Variants in TSHZ3 observed in about 807,000 individuals in gnomAD.
TSHZ3 encodes teashirt homolog 3.
In TSHZ3, 10 loss-of-function variants were observed where a neutral mutation model predicts 64.5. The observed-to-expected ratio is 0.16, with a 90% CI of 0.10 to 0.26. TSHZ3 has a LOEUF of 0.26. Among genes scored for constraint, TSHZ3 ranks in the 10% least tolerant of loss-of-function variants. TSHZ3 has a pLI of 1.00. For synonymous variants in TSHZ3, 608 were observed against 593.1 expected (o/e 1.03, Z -0.36); for missense variants, 1,242 against 1,421.7 (o/e 0.87, Z 2.03).
intron 5 of TSHZ3, among the ~76,000 whole-genome samples, chr19:31,191,349 T>C (rs1259882363): frequency 1.3e-5 from 2 of 152,232 alleles, no homozygotes; most frequent in Admixed American, 1.3e-4. Flanking sequence ...TGCTAATTTC[T>C]AGTCGGAAAC....
At chr19:31,250,365 C>T (rs542478987) in intron 1 of TSHZ3, among the ~76,000 whole-genome samples, 1 of 152,308 alleles carries the variant, frequency 6.6e-6, no homozygotes, top group African/African-American at 2.4e-5. Context: ...CTCTAATCCT[C>T]ACCCGCTCAT....
At chr19:31,268,107 G>A (rs1976080055) in intron 1 of TSHZ3, among the ~76,000 whole-genome samples, 1 of 152,008 alleles carries the variant, frequency 6.6e-6, no homozygotes, top group African/African-American at 2.4e-5. Context: ...TTTATAAATG[G>A]GAGTTCCCCT....
chr19:31,157,811 G>T (rs898826211), intron 5 of TSHZ3, among the ~76,000 whole-genome samples: 4 of 152,174 alleles, frequency 2.6e-5, no homozygotes, highest in African/African-American at 9.7e-5. Context: ...CTGCTGCATA[G>T]ACTTGAAATA....
intron 1 of TSHZ3, among the ~76,000 whole-genome samples, chr19:31,335,007 A>G (rs10405774): frequency 0.6 from 90,546 of 151,948 alleles, 27,825 homozygotes; most frequent in East Asian, 0.95. Context: ...CAAGAAACAC[A>G]AGATCCTGAC....
At position 31,337,744 on chromosome 19, in the gene TSHZ3, C is replaced by CACACACACACAT. The variant is rs1428931871; in HGVS notation, c.40+11435_40+11436insATGTGTGTGTGT. 9.7e-4 allele frequency among the ~76,000 whole-genome samples: 148 copies of CACACACACACAT among 152,112 alleles called. 1 individual carries two copies. Among genetic ancestry groups the CACACACACACAT allele is most frequent in the African/African-American group, 3.3e-3 (139 of 41,512 alleles). On this transcript the variant is annotated intron_variant, in intron 1 of 1. Transcript: ENST00000240587. Reference sequence around the variant, plus strand: ...AAACACACACACACACACACACACACACACACACAAAGTTGCCTGGAGTTG... The same window carrying CACACACACACAT: ...AAACACACACACACACACACACACACACACACACACATACACACACAAAGTTGCCTGGAGTTG...
chr19:31,308,825 T>A (rs1240812684), intron 1 of TSHZ3: 1 of 395,844 alleles, frequency 2.5e-6, no homozygotes, highest in Non-Finnish European at 4.4e-6. Context: ...CAGATGGGCT[T>A]CATTTGAAAT....
intron 1 of TSHZ3, among the ~76,000 whole-genome samples, chr19:31,251,863 A>G (rs559840275): frequency 6.6e-6 from 1 of 152,232 alleles, no homozygotes; most frequent in Non-Finnish European, 1.5e-5. Context: ...CATCCTACCC[A>G]CTGCAGCGCT....
chr19:31,317,050 C>T (rs1158299969), intron 1 of TSHZ3, among the ~76,000 whole-genome samples: 2 of 152,156 alleles, frequency 1.3e-5, no homozygotes, highest in Non-Finnish European at 1.5e-5. Context: ...GGAATTACAA[C>T]AAAGAAAGGA....
chr19:31,206,386 T>C (rs1470938392), intron 4 of TSHZ3, among the ~76,000 whole-genome samples: 3 of 152,000 alleles, frequency 2.0e-5, no homozygotes, highest in East Asian at 1.9e-4. Context: ...GGTGGAGAGA[T>C]GGATGGACAG....
chr19:31,339,194 CTTTTTTT>C, intron 1 of TSHZ3, among the ~76,000 whole-genome samples: 1 of 144,548 alleles, frequency 6.9e-6, no homozygotes, highest in Middle Eastern at 3.6e-3. Flanking sequence ...TTTCTTTTTT[CTTTTTTT>C]TTTCTCTCCC....
chr19:31,278,097 A>G lies in TSHZ3; in HGVS notation c.1696T>C (p.Ser566Pro), dbSNP rs2145213433. 1 of 1,614,102 alleles carries G rather than the reference A, an allele frequency of 6.2e-7. No homozygotes were observed. The highest frequency in any genetic ancestry group is 2.2e-5 in the East Asian group (1 of 44,854). ...LPNMMKLSLG[S>P]SGKSTPLKPM... ...TTCAGGGGCGTGCTCTTCCCCGACG[A>G]GCCCAGGGACAACTTCATCATGTTG... The change falls in exon 2 of 2, where the codon TCG (serine) becomes CCG (proline). Residue 566 changes from serine (S) to proline (P), a missense_variant. By Grantham distance (74) the Ser-to-Pro change is moderately conservative. This residue lies in a region of TSHZ3 where 550 missense variants were observed against 545.1 expected (regional missense o/e 1.01). Coordinates refer to ENST00000240587, the MANE Select transcript of TSHZ3 (RefSeq NM_020856.4). The surrounding 1 kb of genome is among the most constrained non-coding windows in gnomAD (Gnocchi z 4.7).
chr19:31,193,657 A>G (rs1974945398), intron 5 of TSHZ3, among the ~76,000 whole-genome samples: 1 of 152,182 alleles, frequency 6.6e-6, no homozygotes. Context: ...TTTATCCCTT[A>G]GGGTTTTTCC....
chr19:31,235,586 T>C (rs78286129), intron 3 of TSHZ3, among the ~76,000 whole-genome samples: 8 of 111,572 alleles, frequency 7.2e-5, no homozygotes, highest in Admixed American at 2.8e-4. Context: ...CCTTCTCTTT[T>C]TTCTTTCTTT....
intron 1 of TSHZ3, among the ~76,000 whole-genome samples, chr19:31,333,352 C>T (rs999857125): frequency 2.0e-5 from 3 of 152,056 alleles, no homozygotes; most frequent in Non-Finnish European, 4.4e-5. Context: ...CAGCTCCATT[C>T]CCCCTGCAGA....
rs1976648840 is a variant in TSHZ3, at chr19:31,295,695, G to A, written c.41-15943C>T. Reference sequence around the variant, plus strand: ...ACCTGGGCCCTGGAGGCACAGGTGTGTTCACCTGGGGAAAATTCCACCTAC... The same window carrying A: ...ACCTGGGCCCTGGAGGCACAGGTGTATTCACCTGGGGAAAATTCCACCTAC... On this transcript the variant is annotated intron_variant, in intron 1 of 1. Transcript: ENST00000240587. Among the ~76,000 whole-genome samples, 2 of 152,070 alleles carry A rather than the reference G, an allele frequency of 1.3e-5. 1 individual carries two copies. Among genetic ancestry groups the A allele is most frequent in the South Asian group, 4.1e-4 (2 of 4,824 alleles).
intron 5 of TSHZ3, among the ~76,000 whole-genome samples, chr19:31,181,445 T>C (rs1443895619): frequency 1.3e-5 from 2 of 152,166 alleles, no homozygotes; most frequent in Non-Finnish European, 2.9e-5. Context: ...TCTCCATGTC[T>C]AAGGGGTTTC....
Position 31,204,275 on chromosome 19 carries a change from C to T in TSHZ3, n.809+681G>A, listed in dbSNP as rs143453000. 6.0e-3 allele frequency among the ~76,000 whole-genome samples: 913 copies of T among 151,400 alleles called. 8 individuals are homozygous for T. Among genetic ancestry groups the T allele is most frequent in the African/African-American group, 0.021 (883 of 41,182 alleles). On this transcript the variant is annotated intron_variant and non_coding_transcript_variant, in intron 5 of 6. Transcript: ENST00000651361. ...TCTTTCCTCTCTTCTTCTCTTGCTC[C>T]CTCTCTTCCTTCCTTTTTTCTTTCC...
chr19:31,203,261 C>G (rs1339161264), intron 5 of TSHZ3, among the ~76,000 whole-genome samples: 2 of 152,024 alleles, frequency 1.3e-5, no homozygotes, highest in Non-Finnish European at 2.9e-5. Context: ...AATTGGCATG[C>G]TGAAGGAACA....
At chr19:31,197,204 T>C (rs950260955) in intron 5 of TSHZ3, among the ~76,000 whole-genome samples, 1 of 151,816 alleles carries the variant, frequency 6.6e-6, no homozygotes, top group Admixed American at 6.6e-5. Flanking sequence ...CACTTCACAA[T>C]AACACATGGT....
Sources: gnomAD v4.1 joint callset for allele counts (sites outside exome capture counted in the v4.1 genomes callset) on GRCh38, gnomAD v4.1.1 for gene constraint, gnomAD v4.1.1 regional missense constraint, Gnocchi (gnomAD v3.1) non-coding constraint, MANE v1.5 for transcripts, NCBI Gene and HGNC (gene_info 2026-07-23, HGNC 2026-07-21) for gene names.